The following CDKN2AIPNL variants were observed in gnomAD, a reference collection of about 807,000 sequenced individuals.
The protein encoded by CDKN2AIPNL is XRN2 binding domain containing 1.
A neutral mutation model predicts 12.9 loss-of-function variants in CDKN2AIPNL; 9 were observed. That is an observed-to-expected ratio of 0.70 (90% CI 0.42 to 1.22). The LOEUF is 1.22. Ranked by LOEUF, CDKN2AIPNL falls within the 50% of genes most tolerant of loss-of-function variation. The pLI is 0.00. For missense variants in CDKN2AIPNL, 143 were observed against 153.6 expected, an observed-to-expected ratio of 0.93 and a Z score of 0.37; for synonymous variants, 53 against 61.7, an observed-to-expected ratio of 0.86 and a Z score of 0.66.
In CDKN2AIPNL at chr5:134,411,877, C is replaced by G; in HGVS notation, c.-23G>C. 6.5e-7 allele frequency: 1 copy of G among 1,543,650 alleles called. No homozygotes were observed. The highest frequency in any genetic ancestry group is 8.7e-7 in the Non-Finnish European group (1 of 1,143,576). ...CATGGTGCCCGCCGCAGCCGAGGAC[C>G]GGATAGCCCGCCGCCTTCCCGACGC... is the stretch of plus-strand genomic sequence containing the variant. On this transcript the variant is annotated 5_prime_UTR_variant, in exon 1 of 3. Transcript: ENST00000458198.
At chr5:134,406,988 AT>A (rs1759114209) in intron 2 of CDKN2AIPNL, among the ~76,000 whole-genome samples, 1 of 152,236 alleles carries the variant, frequency 6.6e-6, no homozygotes, top group African/African-American at 2.4e-5. Flanking sequence ...TTAGAAAAAC[AT>A]AAGTTTTATT....
rs1340067019 is a variant in CDKN2AIPNL at position 134,409,916 on chromosome 5, T to C, written c.326A>G (p.Glu109Gly). 5 of 1,609,382 alleles carry C rather than the reference T, an allele frequency of 3.1e-6. No individual in the cohort carries two copies. The highest frequency in any genetic ancestry group is 4.2e-6 in the Non-Finnish European group (5 of 1,177,538). The change falls in exon 2 of 3, where the codon GAA (glutamate) becomes GGA (glycine). Residue 109 changes from glutamate to glycine, a missense_variant. This residue lies in a region of CDKN2AIPNL where 111 missense variants were observed against 111.4 expected (regional missense o/e 1.00). Transcript: ENST00000458198. Reference protein sequence around the residue: ...EDLPQFTTRSELMKKHQS With the variant: ...EDLPQFTTRSGLMKKHQS ...AATCCTATTTACCTTTTTCATTAAT[T>C]CACTTCTGGTAGTAAATTGTGGCAG...
intron 1 of CDKN2AIPNL, chr5:134,411,110 G>T (rs1180556201): frequency 1.4e-6 from 1 of 702,524 alleles, no homozygotes; most frequent in Admixed American, 2.0e-5. Flanking sequence ...AAAGCCATAG[G>T]ATACAGATTA....
At position 134,411,821 on chromosome 5, in the gene CDKN2AIPNL, C is replaced by A; in HGVS notation, c.34G>T (p.Glu12Ter). The change falls in exon 1 of 3, where the codon GAG (glutamate) becomes TAG (stop). Residue 12 changes from glutamate to a stop codon, truncating the protein, a stop_gained. Coordinates refer to ENST00000458198, the MANE Select transcript of CDKN2AIPNL (RefSeq NM_080656.3). LOFTEE classifies it high-confidence loss of function. ...GCCTGCCGCACCCCCGAAACCAGCT[C>A]CTCCACTGCGGCAGCCGCCTCGCCA... ...VGGEAAAAVEELVSGVRQAAD... is the reference protein window; with the variant it reads ...VGGEAAAAVE The A allele has an allele frequency of 6.3e-7, 1 of 1,594,962 alleles. No homozygotes were observed. The highest frequency in any genetic ancestry group is 2.3e-5 in the East Asian group (1 of 43,502).
At chr5:134,409,777 G>C (rs1283606113) in intron 2 of CDKN2AIPNL, 126 bp downstream of exon 2, 2 of 533,590 alleles carry the variant, frequency 3.7e-6, no homozygotes, top group African/African-American at 3.9e-5. Context: ...AAATAAAAAT[G>C]AAAGGGTATA....
At chr5:134,407,291 A>T (rs1260165968) in intron 2 of CDKN2AIPNL, among the ~76,000 whole-genome samples, 1 of 150,968 alleles carries the variant, frequency 6.6e-6, no homozygotes, top group Non-Finnish European at 1.5e-5. Flanking sequence ...ACACACACAC[A>T]CACACACTTC....
Position 134,403,444 on chromosome 5 carries a change from T to C in CDKN2AIPNL, c.340-518A>G, listed in dbSNP as rs140203311. Among the ~76,000 whole-genome samples the C allele has an allele frequency of 8.2e-3, 1,254 of 152,354 alleles. 15 individuals are homozygous for C. Among genetic ancestry groups the C allele is most frequent in the African/African-American group, 0.028 (1,163 of 41,590 alleles). On this transcript the variant is annotated intron_variant, in intron 2 of 2. Coordinates refer to ENST00000458198, the MANE Select transcript of CDKN2AIPNL (RefSeq NM_080656.3). The stretch of plus-strand genomic sequence containing the variant: ...CTTTCTGGTTACTCTCTAGCACCTT[T>C]GGTAAATTTAAACTTGGCTTTAGAC...
intron 2 of CDKN2AIPNL, among the ~76,000 whole-genome samples, chr5:134,408,996 A>G (rs527414803): frequency 6.6e-6 from 1 of 152,260 alleles, no homozygotes; most frequent in African/African-American, 2.4e-5. Flanking sequence ...TCCCAAGACA[A>G]GACCTAAATG....
intron 2 of CDKN2AIPNL, among the ~76,000 whole-genome samples, chr5:134,404,715 C>T (rs952053326): frequency 6.6e-6 from 1 of 152,080 alleles, no homozygotes; most frequent in Admixed American, 6.6e-5. Context: ...GCTCTAGTAC[C>T]TCAGAGCTTG....
intron 1 of CDKN2AIPNL, 101 bp from the exon 2 acceptor site, chr5:134,410,103 A>G (rs781450283): frequency 1.4e-5 from 11 of 760,450 alleles, no homozygotes; most frequent in Non-Finnish European, 2.4e-5. Context: ...GCTCTCAGAG[A>G]ACTGACCTGA....
At chr5:134,406,498 C>A (rs558019274) in intron 2 of CDKN2AIPNL, among the ~76,000 whole-genome samples, 443 of 152,310 alleles carry the variant, frequency 2.9e-3, no homozygotes, top group African/African-American at 0.01. Flanking sequence ...GTCCTCATGG[C>A]TCTCTTTCCA....
At chr5:134,410,830 C>T in intron 1 of CDKN2AIPNL, 1 of 594,024 alleles carries the variant, frequency 1.7e-6, no homozygotes, top group Non-Finnish European at 3.0e-6. Flanking sequence ...CAAGATCAAA[C>T]CAAGTCACCC....
Position 134,411,874 on chromosome 5 carries a change from G to A in CDKN2AIPNL, c.-20C>T, listed in dbSNP as rs965494212. 3.9e-6 allele frequency: 6 copies of A among 1,548,084 alleles called. No homozygotes were observed. Among genetic ancestry groups the A allele is most frequent in the Admixed American group, 3.9e-5 (2 of 51,736 alleles). ...GACCATGGTGCCCGCCGCAGCCGAGGACCGGATAGCCCGCCGCCTTCCCGA... is the reference window on the plus strand; with the variant it reads ...GACCATGGTGCCCGCCGCAGCCGAGAACCGGATAGCCCGCCGCCTTCCCGA... On this transcript the variant is annotated 5_prime_UTR_variant, in exon 1 of 3. Transcript: ENST00000458198.
At chr5:134,410,987 G>A (rs1581336313) in intron 1 of CDKN2AIPNL, 2 of 701,356 alleles carry the variant, frequency 2.9e-6, no homozygotes, top group East Asian at 2.7e-5. Flanking sequence ...CAGCCAGGAT[G>A]AAGTGGGCTT....
At chr5:134,407,696 C>T (rs1164084237) in intron 2 of CDKN2AIPNL, among the ~76,000 whole-genome samples, 1 of 151,466 alleles carries the variant, frequency 6.6e-6, no homozygotes, top group East Asian at 1.9e-4. Context: ...ATCGCTTAAA[C>T]TCGCGAGGCA....
intron 2 of CDKN2AIPNL, among the ~76,000 whole-genome samples, chr5:134,408,739 A>AT (rs535384940): frequency 1.7e-3 from 258 of 152,200 alleles, no homozygotes; most frequent in Non-Finnish European, 3.0e-3. Flanking sequence ...TTACTTACTG[A>AT]TTTTTTGTCA....
chr5:134,408,124 C>A (rs1759132839), intron 2 of CDKN2AIPNL, among the ~76,000 whole-genome samples: 6 of 152,020 alleles, frequency 3.9e-5, no homozygotes, highest in Admixed American at 3.9e-4. Flanking sequence ...AAGTGAGCCT[C>A]TATCTAAAAA....
intron 2 of CDKN2AIPNL, among the ~76,000 whole-genome samples, chr5:134,406,820 T>G (rs963758868): frequency 6.6e-6 from 1 of 152,158 alleles, no homozygotes; most frequent in African/African-American, 2.4e-5. Context: ...CGGGTAGCCG[T>G]GAGCAAGCCA....
At chr5:134,405,455 C>T (rs1759089917) in intron 2 of CDKN2AIPNL, among the ~76,000 whole-genome samples, 1 of 149,394 alleles carries the variant, frequency 6.7e-6, no homozygotes, top group Non-Finnish European at 1.5e-5. Flanking sequence ...CTCACTCTGT[C>T]GCCCAGGCTG....
Sources: allele counts gnomAD v4.1 joint callset (sites outside exome capture counted in the v4.1 genomes callset), GRCh38; gene constraint gnomAD v4.1.1; regional missense constraint gnomAD v4.1.1; transcripts MANE v1.5; gene names NCBI Gene and HGNC (gene_info 2026-07-23, HGNC 2026-07-21).